C1QTNF7: variants seen among roughly 807,000 people sequenced by gnomAD.
C1QTNF7 encodes the protein C1q and TNF related 7.
Under a neutral mutation model 19.6 loss-of-function variants are expected in C1QTNF7, and 15 were observed. The ratio of observed to expected loss-of-function variants is 0.76; its 90% CI spans 0.51 to 1.18. The LOEUF is 1.18. Among genes scored for constraint, C1QTNF7 ranks in the 50% most tolerant of loss-of-function variants. The pLI is 0.00. For synonymous variants in C1QTNF7, 142 were observed against 137.5 expected (o/e 1.03, Z -0.23); for missense variants, 324 against 359.7 (o/e 0.90, Z 0.80).
intron 1 of C1QTNF7, among the ~76,000 whole-genome samples, chr4:15,406,034 T>G (rs922959753): frequency 6.6e-6 from 1 of 152,172 alleles, no homozygotes; most frequent in Non-Finnish European, 1.5e-5. Flanking sequence ...GACCCACTCC[T>G]TAAACCTAAA....
chr4:15,360,340 TC>T (rs1179570495), intron 1 of C1QTNF7, among the ~76,000 whole-genome samples: 1 of 152,214 alleles, frequency 6.6e-6, no homozygotes, highest in Non-Finnish European at 1.5e-5. Context: ...AGAGTTAGGT[TC>T]ATGAGAGCCC....
chr4:15,419,610 A>T (rs1711646289), intron 1 of C1QTNF7, among the ~76,000 whole-genome samples: 1 of 152,238 alleles, frequency 6.6e-6, no homozygotes, highest in African/African-American at 2.4e-5. Flanking sequence ...GAACTAAATA[A>T]ATAATGATTT....
rs775442925 is a variant in C1QTNF7, at chr4:15,435,723, G to C, written c.-8-13G>C. On this transcript the variant is annotated splice_polypyrimidine_tract_variant and intron_variant, in intron 1 of 2. Transcript: ENST00000444304. ...ACAGAAAGTTCATTTACGTCTGTGT[G>C]TTTCTCTTCCAGAGCCAAAGATGTT... 6.2e-7 allele frequency: 1 copy of C among 1,613,940 alleles called. No homozygotes were observed. The highest frequency in any genetic ancestry group is 1.1e-5 in the South Asian group (1 of 91,072).
At chr4:15,413,234 T>G (rs1719470227) in intron 1 of C1QTNF7, among the ~76,000 whole-genome samples, 1 of 152,250 alleles carries the variant, frequency 6.6e-6, no homozygotes, top group Non-Finnish European at 1.5e-5. Flanking sequence ...TTCTACCACC[T>G]ATTTCCGTGG....
At chr4:15,354,986 C>T (rs1717083011) in intron 1 of C1QTNF7, among the ~76,000 whole-genome samples, 2 of 152,074 alleles carry the variant, frequency 1.3e-5, no homozygotes, top group Admixed American at 6.5e-5. Flanking sequence ...CCAGGGCGCG[C>T]TTTGGGGGAT....
chr4:15,343,439 CT>C lies in C1QTNF7; in HGVS notation c.13+3245del, dbSNP rs539310404. Among the ~76,000 whole-genome samples, 712 of 144,842 alleles carry C rather than the reference CT, an allele frequency of 4.9e-3. 2 individuals carry two copies. The highest frequency in any genetic ancestry group is 0.019 in the Middle Eastern group (5 of 270). On this transcript the variant is annotated intron_variant, in intron 1 of 2. Coordinates refer to the C1QTNF7 transcript ENST00000295297. Reference sequence around the variant, plus strand: ...GGATTCTCATCTCTAAGAGAATTGACTTTTTTTTTTTTTAACTATGTTCAAC... The same window carrying C: ...GGATTCTCATCTCTAAGAGAATTGACTTTTTTTTTTTTAACTATGTTCAAC...
chr4:15,363,847 T>A (rs994490571), intron 1 of C1QTNF7, among the ~76,000 whole-genome samples: 4 of 152,202 alleles, frequency 2.6e-5, no homozygotes, highest in East Asian at 1.9e-4. Flanking sequence ...GAAAGTGATA[T>A]CCAGAAAGAT....
chr4:15,359,790 C>G (rs1396513034), intron 1 of C1QTNF7, among the ~76,000 whole-genome samples: 2 of 152,188 alleles, frequency 1.3e-5, no homozygotes, highest in Non-Finnish European at 2.9e-5. Flanking sequence ...AGGAGTGAGT[C>G]TGATTTCCAG....
intron 1 of C1QTNF7, among the ~76,000 whole-genome samples, chr4:15,371,158 G>C (rs1313593702): frequency 6.6e-6 from 1 of 152,222 alleles, no homozygotes; most frequent in East Asian, 1.9e-4. Flanking sequence ...GCCCTTGCAG[G>C]AACCCAGGCA....
chr4:15,399,077 A>G (rs1718894359), intron 1 of C1QTNF7, among the ~76,000 whole-genome samples: 1 of 152,124 alleles, frequency 6.6e-6, no homozygotes, highest in Admixed American at 6.6e-5. Context: ...TTCCTAGAGG[A>G]AGGTCATGTA....
Position 15,446,077 on chromosome 4 carries a change from T to C in C1QTNF7, c.*3278T>C, listed in dbSNP as rs546902110. On this transcript the variant is annotated 3_prime_UTR_variant, in exon 3 of 3. Coordinates refer to ENST00000444304, the MANE Select transcript of C1QTNF7 (RefSeq NM_031911.5). ...TTATCATTGTGAACAGTGTTGCTTA[T>C]GATAAAAAATAGATTCTATAAACTC... 6.6e-6 allele frequency: 1 copy of C among 152,330 alleles called. No homozygotes were observed. Among genetic ancestry groups the C allele is most frequent in the South Asian group, 2.1e-4 (1 of 4,830 alleles). 9.4% of individuals were successfully genotyped at this position (152,330 alleles called of 1,614,324 possible). A position where few individuals can be genotyped will look rare whatever the true frequency, so the allele number is the denominator to read the frequency against.
At chr4:15,355,830 G>A (rs1717125305) in intron 1 of C1QTNF7, among the ~76,000 whole-genome samples, 1 of 152,204 alleles carries the variant, frequency 6.6e-6, no homozygotes, top group Non-Finnish European at 1.5e-5. Flanking sequence ...CAAGCCCTCT[G>A]TAATGCTCAA....
chr4:15,340,516 T>A (rs1192461248), intron 1 of C1QTNF7, among the ~76,000 whole-genome samples: 1 of 152,184 alleles, frequency 6.6e-6, no homozygotes, highest in Non-Finnish European at 1.5e-5. Flanking sequence ...GTCAGTGTGG[T>A]GACAGGCTAA....
intron 1 of C1QTNF7, among the ~76,000 whole-genome samples, chr4:15,392,639 C>T (rs746259896): frequency 4.6e-5 from 7 of 152,206 alleles, no homozygotes; most frequent in African/African-American, 7.2e-5. Flanking sequence ...ATCTCTCAGG[C>T]ACCGGCAGAA....
At chr4:15,343,257 G>GA (rs1716606948) in intron 1 of C1QTNF7, among the ~76,000 whole-genome samples, 1 of 152,162 alleles carries the variant, frequency 6.6e-6, no homozygotes, top group Non-Finnish European at 1.5e-5. Context: ...ACGCATGCTG[G>GA]AAAATGGTGA....
chr4:15,411,669 C>A (rs1042323316), intron 1 of C1QTNF7, among the ~76,000 whole-genome samples: 1 of 152,184 alleles, frequency 6.6e-6, no homozygotes, highest in Non-Finnish European at 1.5e-5. Context: ...TTGCCTACAG[C>A]CCTGGCAGGG....
chr4:15,418,676 G>A (rs1162495433), intron 1 of C1QTNF7, among the ~76,000 whole-genome samples: 2 of 151,732 alleles, frequency 1.3e-5, no homozygotes, highest in African/African-American at 4.8e-5. Flanking sequence ...AGTTATATAG[G>A]TATTTACTAA....
intron 1 of C1QTNF7, among the ~76,000 whole-genome samples, chr4:15,399,353 G>A (rs936727942): frequency 2.6e-5 from 4 of 152,156 alleles, no homozygotes; most frequent in African/African-American, 9.7e-5. Context: ...AATGCCTGAT[G>A]AGCCACCTAC....
chr4:15,347,864 A>G (rs1027904483), intron 1 of C1QTNF7, among the ~76,000 whole-genome samples: 1 of 152,178 alleles, frequency 6.6e-6, no homozygotes, highest in Non-Finnish European at 1.5e-5. Context: ...CATTGAGATC[A>G]TTTCTTAAAC....
Sources: allele counts gnomAD v4.1 joint callset (sites outside exome capture counted in the v4.1 genomes callset), GRCh38; gene constraint gnomAD v4.1.1; transcripts MANE v1.5; gene names NCBI Gene and HGNC (gene_info 2026-07-23, HGNC 2026-07-21).